Variants in WIPI2 observed in about 807,000 individuals in gnomAD.
WIPI2 encodes the protein WD repeat domain, phosphoinositide interacting 2, also known as WD repeat domain phosphoinositide-interacting protein 2.
In WIPI2, 28 loss-of-function variants were observed where a neutral mutation model predicts 52.3. The observed-to-expected ratio is 0.54, with a 90% CI of 0.40 to 0.73. The LOEUF is 0.73. WIPI2 is among the 30% of genes least tolerant of loss of function. WIPI2 has a pLI of 0.00. For missense variants in WIPI2, 506 were observed against 602.9 expected, an observed-to-expected ratio of 0.84 and a Z score of 1.68; for synonymous variants, 268 against 245.0, an observed-to-expected ratio of 1.09 and a Z score of -0.88.
rs899962863 is a variant in WIPI2 at position 5,219,251 on chromosome 7, G to A, written c.669+1237G>A. On this transcript the variant is annotated intron_variant, in intron 7 of 12. Transcript: ENST00000288828. Reference sequence around the variant, plus strand: ...GGGGCCGCCCAACTGGGCAGCAACAGAGGGGTCAGACTCCAAGTCTGACTT... The same window carrying A: ...GGGGCCGCCCAACTGGGCAGCAACAAAGGGGTCAGACTCCAAGTCTGACTT... Among the ~76,000 whole-genome samples the A allele has an allele frequency of 3.9e-5, 6 of 152,346 alleles. 1 individual carries two copies. The South Asian group carries it at 1.0e-3, about 26-fold the overall frequency.
chr7:5,203,793 G>A (rs1421969800), intron 3 of WIPI2, among the ~76,000 whole-genome samples: 1 of 151,546 alleles, frequency 6.6e-6, no homozygotes, highest in Non-Finnish European at 1.5e-5. Context: ...TTTTTTTTGT[G>A]TGTGTATTTT....
chr7:5,191,092 T>C (rs1381672610), intron 1 of WIPI2, among the ~76,000 whole-genome samples: 1 of 152,162 alleles, frequency 6.6e-6, no homozygotes, highest in Non-Finnish European at 1.5e-5. Flanking sequence ...CCATCTCAGC[T>C]CACTGCAACC....
In WIPI2 at chr7:5,227,193, CCCA is replaced by C; in HGVS notation, c.868_870del (p.Thr290del). Reference sequence around the variant, plus strand: ...CTTTCCTTCCAGACCCCCAGAGGAGCCCACCACCTGGACCGGGTACTTCGGGAA... The same window carrying C: ...CTTTCCTTCCAGACCCCCAGAGGAGCCCACCTGGACCGGGTACTTCGGGAA... On this transcript the variant is annotated inframe_deletion, in exon 10 of 13. Coordinates refer to ENST00000288828, the MANE Select transcript of WIPI2 (RefSeq NM_015610.4). The surrounding 1 kb of genome is among the most constrained non-coding windows in gnomAD (Gnocchi z 8.1). The C allele has an allele frequency of 6.2e-7, 1 of 1,613,930 alleles. No homozygotes were observed. Among genetic ancestry groups the C allele is most frequent in the Non-Finnish European group, 8.5e-7 (1 of 1,180,010 alleles).
At chr7:5,213,017 C>G (rs1043395405) in intron 3 of WIPI2, 1 of 152,270 alleles carries the variant, frequency 6.6e-6, no homozygotes, top group Non-Finnish European at 1.5e-5. Flanking sequence ...CTGAGTGGTG[C>G]TGCATGCCAG....
At chr7:5,224,607 G>C (rs757176928) in intron 8 of WIPI2, among the ~76,000 whole-genome samples, 16 of 152,258 alleles carry the variant, frequency 1.1e-4, no homozygotes, top group Middle Eastern at 3.4e-3. Flanking sequence ...GAGCCAGGAG[G>C]GCTGACTGGT....
intron 7 of WIPI2, among the ~76,000 whole-genome samples, chr7:5,220,502 G>T (rs1366304998): frequency 3.3e-5 from 5 of 151,846 alleles, no homozygotes; most frequent in Non-Finnish European, 5.9e-5. Flanking sequence ...GCCTCCCAAA[G>T]TGCTGGGATT....
intron 3 of WIPI2, among the ~76,000 whole-genome samples, chr7:5,208,869 A>C (rs1433867313): frequency 1.3e-5 from 2 of 152,192 alleles, no homozygotes; most frequent in African/African-American, 4.8e-5. Flanking sequence ...TCTGCAAAAG[A>C]GCCTGTTGGG....
At chr7:5,192,806 T>G (rs183772530) in intron 1 of WIPI2, among the ~76,000 whole-genome samples, 489 of 152,358 alleles carry the variant, frequency 3.2e-3, no homozygotes, top group Non-Finnish European at 4.6e-3. Flanking sequence ...ATCTCCAGAA[T>G]TTATTGAGGA....
chr7:5,218,039 G>A (rs766804137), intron 7 of WIPI2, 25 bp downstream of exon 7: 15 of 1,612,118 alleles, frequency 9.3e-6, no homozygotes, highest in African/African-American at 1.3e-5. Context: ...CCCCGGGGGA[G>A]CACTGGTGCC....
intron 3 of WIPI2, among the ~76,000 whole-genome samples, chr7:5,208,512 A>G (rs1009906115): frequency 6.6e-5 from 10 of 150,984 alleles, no homozygotes; most frequent in East Asian, 1.9e-4. Context: ...GTGTTTTCCT[A>G]TGTGTTCTGT....
chr7:5,209,864 C>T (rs1453677272), intron 3 of WIPI2, among the ~76,000 whole-genome samples: 1 of 152,078 alleles, frequency 6.6e-6, no homozygotes. Context: ...TCCCCCAGCC[C>T]CTCCCATATT....
chr7:5,224,132 G>T (rs959369942), intron 8 of WIPI2, among the ~76,000 whole-genome samples: 2 of 152,222 alleles, frequency 1.3e-5, no homozygotes, highest in Admixed American at 6.5e-5. Context: ...CGCCCAGCCT[G>T]ATTCTGTTTC....
intron 7 of WIPI2, among the ~76,000 whole-genome samples, chr7:5,219,698 AG>A (rs1457248289): frequency 6.6e-6 from 1 of 152,256 alleles, no homozygotes; most frequent in African/African-American, 2.4e-5. Flanking sequence ...CTGAAAGTTT[AG>A]GCTGCAGAGG....
intron 3 of WIPI2, among the ~76,000 whole-genome samples, chr7:5,203,575 A>C (rs1052309368): frequency 6.6e-6 from 1 of 151,106 alleles, no homozygotes; most frequent in African/African-American, 2.4e-5. Flanking sequence ...TGCTAAAAGC[A>C]AGGCCTCATT....
rs1373668440 is a variant in WIPI2, at chr7:5,232,427, C to T, written c.*1480C>T. Reference sequence around the variant, plus strand: ...TCCGACTCACCTACACCGGCTTCCTCCCAGCCGCTGGTGTGCGGCACACAC... The same window carrying T: ...TCCGACTCACCTACACCGGCTTCCTTCCAGCCGCTGGTGTGCGGCACACAC... On this transcript the variant is annotated 3_prime_UTR_variant, in exon 13 of 13. Coordinates refer to ENST00000288828, the MANE Select transcript of WIPI2 (RefSeq NM_015610.4). 1 of 397,406 alleles carries T rather than the reference C, an allele frequency of 2.5e-6. No individual in the cohort carries two copies. The highest frequency in any genetic ancestry group is 4.4e-6 in the Non-Finnish European group (1 of 226,042). The allele number at this position is 397,406 out of a possible 1,614,324, so 24.6% of individuals were successfully genotyped here.
Position 5,213,846 on chromosome 7 carries a change from T to C in WIPI2, c.212-689T>C, listed in dbSNP as rs543818291. The stretch of plus-strand genomic sequence containing the variant: ...GACTACAGGCGCCCGCCACCACGCC[T>C]GGCTGATTTTTTGTATTTTTAGTAG... On this transcript the variant is annotated intron_variant, in intron 3 of 12. Coordinates refer to ENST00000288828, the MANE Select transcript of WIPI2 (RefSeq NM_015610.4). Among the ~76,000 whole-genome samples the C allele has an allele frequency of 1.9e-3, 287 of 152,184 alleles. 2 individuals carry two copies. The highest frequency in any genetic ancestry group is 6.7e-3 in the African/African-American group (278 of 41,526).
intron 7 of WIPI2, among the ~76,000 whole-genome samples, chr7:5,219,422 C>T (rs1782978075): frequency 6.7e-6 from 1 of 150,366 alleles, no homozygotes; most frequent in South Asian, 2.1e-4. Flanking sequence ...CCCAAAAGTA[C>T]TTGATGGAAT....
chr7:5,228,246 CG>C, intron 11 of WIPI2, 35 bp downstream of exon 11: 1 of 1,566,258 alleles, frequency 6.4e-7, no homozygotes, highest in Non-Finnish European at 8.6e-7. Flanking sequence ...GGAGCTGCTC[CG>C]TGCTGGCGGG....
chr7:5,217,998 C>A lies in WIPI2; in HGVS notation c.653C>A (p.Ala218Asp). 1 of 1,614,188 alleles carries A rather than the reference C, an allele frequency of 6.2e-7. No homozygotes were observed. The highest frequency in any genetic ancestry group is 8.5e-7 in the Non-Finnish European group (1 of 1,180,016). The change falls in exon 7 of 13, where the codon GCC (alanine) becomes GAC (aspartate). Residue 218 changes from alanine to aspartate, a missense_variant. By Grantham distance (126) the Ala-to-Asp change is moderately radical. Transcript: ENST00000288828. ...LAFDASGTKL[A>D]TASEKGTVIR... ...TTTGACGCAAGTGGAACTAAACTTGCCACGGCTTCGGAGAAGGTGAGTCTG... is the reference window on the plus strand; with the variant it reads ...TTTGACGCAAGTGGAACTAAACTTGACACGGCTTCGGAGAAGGTGAGTCTG...
Sources: gnomAD v4.1 joint callset for allele counts (sites outside exome capture counted in the v4.1 genomes callset) on GRCh38, gnomAD v4.1.1 for gene constraint, Gnocchi (gnomAD v3.1) non-coding constraint, MANE v1.5 for transcripts, NCBI Gene and HGNC (gene_info 2026-07-23, HGNC 2026-07-21) for gene names.